CREB5: variants seen among roughly 807,000 people sequenced by gnomAD.
CREB5 encodes cyclic AMP-responsive element-binding protein 5.
In CREB5, 19 loss-of-function variants were observed where a neutral mutation model predicts 57.1. The ratio of observed to expected loss-of-function variants is 0.33; its 90% CI spans 0.23 to 0.49. The LOEUF (loss-of-function observed/expected upper bound fraction) is 0.49, where lower values mean the gene tolerates loss of function less well. Among genes scored for constraint, CREB5 ranks in the 20% least tolerant of loss-of-function variants. CREB5 has a pLI of 0.99. For synonymous variants in CREB5, 238 were observed against 238.3 expected (o/e 1.00, Z 0.01); for missense variants, 579 against 671.6 (o/e 0.86, Z 1.52).
intron 9 of CREB5, among the ~76,000 whole-genome samples, chr7:28,814,710 G>A (rs1028814836): frequency 5.3e-5 from 8 of 152,098 alleles, no homozygotes; most frequent in Non-Finnish European, 8.8e-5. Flanking sequence ...TTCAACCATC[G>A]TGTTTTATAC....
intron 5 of CREB5, among the ~76,000 whole-genome samples, chr7:28,639,509 A>G (rs1031677925): frequency 2.0e-5 from 3 of 152,194 alleles, no homozygotes; most frequent in African/African-American, 4.8e-5. Context: ...TTTAAATTTA[A>G]TAAAAGGAAT....
At chr7:28,624,138 A>G (rs930321645) in intron 5 of CREB5, among the ~76,000 whole-genome samples, 1 of 152,250 alleles carries the variant, frequency 6.6e-6, no homozygotes, top group African/African-American at 2.4e-5. Context: ...TGAAATACAC[A>G]GACCAATAAG....
At chr7:28,727,860 T>C (rs1454349028) in intron 7 of CREB5, among the ~76,000 whole-genome samples, 2 of 152,204 alleles carry the variant, frequency 1.3e-5, no homozygotes, top group Non-Finnish European at 2.9e-5. Flanking sequence ...GGAATGACAG[T>C]AGGAAAAAGA....
At chr7:28,486,566 C>G (rs933449266) in intron 1 of CREB5, among the ~76,000 whole-genome samples, 4 of 148,550 alleles carry the variant, frequency 2.7e-5, no homozygotes, top group Non-Finnish European at 5.9e-5. Flanking sequence ...CAGCAACGTA[C>G]AAATCGAACT....
intron 5 of CREB5, among the ~76,000 whole-genome samples, chr7:28,673,535 G>C (rs1322022464): frequency 6.6e-6 from 1 of 151,772 alleles, no homozygotes; most frequent in Non-Finnish European, 1.5e-5. Context: ...TCTAAACTTA[G>C]AAACTAAAGA....
intron 7 of CREB5, among the ~76,000 whole-genome samples, chr7:28,777,987 A>G (rs1277789993): frequency 6.6e-6 from 1 of 152,192 alleles, no homozygotes; most frequent in Non-Finnish European, 1.5e-5. Flanking sequence ...GACATGTCAC[A>G]TACTAATTTA....
intron 2 of CREB5, among the ~76,000 whole-genome samples, chr7:28,492,785 A>T (rs554618496): frequency 2.3e-4 from 35 of 149,814 alleles, no homozygotes; most frequent in Non-Finnish European, 4.9e-4. Context: ...TTTATAGTAT[A>T]TTTGTGTTAT....
intron 7 of CREB5, among the ~76,000 whole-genome samples, chr7:28,763,338 C>T (rs1290516323): frequency 6.6e-6 from 1 of 152,170 alleles, no homozygotes; most frequent in Admixed American, 6.5e-5. Context: ...GCCATACCTT[C>T]TATTTCAAAG....
At chr7:28,362,885 A>C (rs1453579099) in intron 1 of CREB5, among the ~76,000 whole-genome samples, 1 of 152,208 alleles carries the variant, frequency 6.6e-6, no homozygotes, top group Non-Finnish European at 1.5e-5. Flanking sequence ...TGGGAATGAT[A>C]ATAGTAATTA....
chr7:28,671,377 C>T (rs771476126), intron 5 of CREB5, among the ~76,000 whole-genome samples: 15 of 152,106 alleles, frequency 9.9e-5, no homozygotes, highest in Non-Finnish European at 1.6e-4. Flanking sequence ...ATGATCTCTT[C>T]CCAGAAAACT....
chr7:28,729,656 T>C (rs1803507977), intron 7 of CREB5, among the ~76,000 whole-genome samples: 1 of 152,164 alleles, frequency 6.6e-6, no homozygotes, highest in South Asian at 2.1e-4. Context: ...TCCTGAAAAA[T>C]GCAGTTCTTC....
intron 7 of CREB5, among the ~76,000 whole-genome samples, chr7:28,739,673 G>A (rs558658314): frequency 2.6e-5 from 4 of 152,318 alleles, no homozygotes; most frequent in Admixed American, 2.0e-4. Flanking sequence ...TAGTTCAAGT[G>A]TGAAGCAGTG....
At chr7:28,677,231 A>G (rs41348) in intron 5 of CREB5, among the ~76,000 whole-genome samples, 75,815 of 152,046 alleles carry the variant, frequency 0.5, 19,880 homozygotes, top group African/African-American at 0.66. Flanking sequence ...TTCCATGACC[A>G]TAGGATGACC....
chr7:28,714,491 G>A (rs1403118374), intron 5 of CREB5, among the ~76,000 whole-genome samples: 1 of 152,274 alleles, frequency 6.6e-6, no homozygotes, highest in South Asian at 2.1e-4. Flanking sequence ...CCTTCCAGAC[G>A]AAAGCACTGG....
At chr7:28,302,627 G>C (rs889864816) in intron 1 of CREB5, among the ~76,000 whole-genome samples, 1 of 152,186 alleles carries the variant, frequency 6.6e-6, no homozygotes, top group Admixed American at 6.5e-5. Flanking sequence ...GATTTAGGGT[G>C]TGATGTGCTG....
intron 8 of CREB5, among the ~76,000 whole-genome samples, chr7:28,806,875 G>T (rs920710379): frequency 6.6e-6 from 1 of 152,186 alleles, no homozygotes; most frequent in African/African-American, 2.4e-5. Context: ...CTATTTGAGG[G>T]TTTTGTCTGG....
Position 28,498,710 on chromosome 7 carries a change from G to C in CREB5, c.169+3711G>C, listed in dbSNP as rs555432096. Among the ~76,000 whole-genome samples the C allele has an allele frequency of 1.1e-3, 160 of 152,136 alleles. 4 individuals are homozygous for C. The South Asian group carries it at 0.026, about 25-fold the overall frequency. On this transcript the variant is annotated intron_variant, in intron 3 of 10. Transcript: ENST00000357727. ...GTAAACATAGACCCCTTATTCAAAG[G>C]GACAGAGTAGAGACACAAATGGAGA...
chr7:28,625,837 C>T (rs1797979355), intron 5 of CREB5, among the ~76,000 whole-genome samples: 1 of 152,138 alleles, frequency 6.6e-6, no homozygotes, highest in Non-Finnish European at 1.5e-5. Context: ...GTTAAAATGA[C>T]ATAATATCAT....
chr7:28,671,663 T>C, intron 5 of CREB5, among the ~76,000 whole-genome samples: 1 of 152,188 alleles, frequency 6.6e-6, no homozygotes, highest in Non-Finnish European at 1.5e-5. Flanking sequence ...TTTTGTTTAG[T>C]GGCCTCAAAG....
Sources: allele counts gnomAD v4.1 joint callset (sites outside exome capture counted in the v4.1 genomes callset), GRCh38; gene constraint gnomAD v4.1.1; transcripts MANE v1.5; gene names NCBI Gene and HGNC (gene_info 2026-07-23, HGNC 2026-07-21).